The following JAKMIP2 variants were observed in gnomAD, a reference collection of about 807,000 sequenced individuals.
JAKMIP2 encodes janus kinase and microtubule-interacting protein 2.
A neutral mutation model predicts 115.0 loss-of-function variants in JAKMIP2; 25 were observed. That is an observed-to-expected ratio of 0.22 (90% CI 0.16 to 0.30). The LOEUF (loss-of-function observed/expected upper bound fraction) is 0.30, where lower values mean the gene tolerates loss of function less well. JAKMIP2 is among the 10% of genes least tolerant of loss of function. JAKMIP2 has a pLI of 1.00. For missense variants in JAKMIP2, 642 were observed against 957.6 expected (o/e 0.67, Z 4.35); for synonymous variants, 334 against 343.6 (o/e 0.97, Z 0.31).
In JAKMIP2 at chr5:147,777,860, C is replaced by G. The variant is rs1755620121; in HGVS notation, c.-149+4596G>C. Among the ~76,000 whole-genome samples, 3 of 151,882 alleles carry G rather than the reference C, an allele frequency of 2.0e-5. No individual in the cohort carries two copies. The South Asian group carries it at 6.2e-4, about 31-fold the overall frequency. On this transcript the variant is annotated intron_variant, in intron 1 of 21. Transcript: ENST00000616793. ...GGCATTAATAAAGAAAAAGAGACAC[C>G]AGAAAATTAGAATATTTGAAAAACA...
chr5:147,734,506 G>C (rs117969044), intron 1 of JAKMIP2, among the ~76,000 whole-genome samples: 2 of 147,296 alleles, frequency 1.4e-5, no homozygotes, highest in Admixed American at 6.8e-5. Context: ...GTTGGAGGGT[G>C]GGGGGGCTAG....
At chr5:147,759,266 G>T (rs1482160822) in intron 1 of JAKMIP2, among the ~76,000 whole-genome samples, 1 of 151,692 alleles carries the variant, frequency 6.6e-6, no homozygotes, top group Non-Finnish European at 1.5e-5. Flanking sequence ...AAAGGAGAAG[G>T]GGAGCAGAGA....
rs1384611669 is a variant in JAKMIP2, at chr5:147,702,654, AAGAAAGAAAGAG to A, written c.-148-30712_-148-30701del. On this transcript the variant is annotated intron_variant, in intron 1 of 21. Coordinates refer to ENST00000616793, the MANE Select transcript of JAKMIP2 (RefSeq NM_001270941.2). ...AAAGAAAGAAAGAAAGAAAGAAAGA[AAGAAAGAAAGAG>A]AGAGAAAGAAAGAGAAAGAAAGAAA... is the stretch of plus-strand genomic sequence containing the variant. 5.3e-3 allele frequency among the ~76,000 whole-genome samples: 542 copies of A among 102,718 alleles called. 12 individuals carry two copies. The highest frequency in any genetic ancestry group is 0.016 in the South Asian group (53 of 3,256). 67.4% of individuals were successfully genotyped at this position (102,718 alleles called of 152,430 possible). A position where few individuals can be genotyped will look rare whatever the true frequency, so the allele number is the denominator to read the frequency against.
chr5:147,590,663 T>C lies in JAKMIP2; in HGVS notation c.*1044A>G, dbSNP rs1755061937. The stretch of plus-strand genomic sequence containing the variant: ...TGATTCTGCTGTGTTTTTGCCCAAA[T>C]CATATAGCATATTCATTTGCAGGCA... On this transcript the variant is annotated 3_prime_UTR_variant, in exon 22 of 22. Coordinates refer to ENST00000616793, the MANE Select transcript of JAKMIP2 (RefSeq NM_001270941.2). The C allele has an allele frequency of 1.3e-5, 2 of 152,198 alleles. No homozygotes were observed. The highest frequency in any genetic ancestry group is 4.8e-5 in the African/African-American group (2 of 41,450). The allele number at this position is 152,198 out of a possible 1,614,324, so 9.4% of individuals were successfully genotyped here.
intron 1 of JAKMIP2, among the ~76,000 whole-genome samples, chr5:147,680,141 A>G (rs1010336860): frequency 6.6e-6 from 1 of 152,198 alleles, no homozygotes; most frequent in Non-Finnish European, 1.5e-5. Context: ...TAAAGTATAT[A>G]AGATAACTAG....
intron 1 of JAKMIP2, among the ~76,000 whole-genome samples, chr5:147,732,046 G>A (rs1283901451): frequency 6.6e-6 from 1 of 152,150 alleles, no homozygotes; most frequent in East Asian, 1.9e-4. Flanking sequence ...ATTATTACGT[G>A]GGTTTTTAAA....
chr5:147,647,981 AC>A (rs1271757490), intron 5 of JAKMIP2, among the ~76,000 whole-genome samples: 9 of 152,252 alleles, frequency 5.9e-5, no homozygotes, highest in Non-Finnish European at 1.2e-4. Context: ...AATGAATTCT[AC>A]ATGCAACACA....
At chr5:147,757,644 T>C (rs1331894598) in intron 1 of JAKMIP2, among the ~76,000 whole-genome samples, 2 of 152,010 alleles carry the variant, frequency 1.3e-5, no homozygotes, top group African/African-American at 4.8e-5. Context: ...GTAGAATAAC[T>C]GACTTTCAGA....
chr5:147,629,768 C>T (rs1757270824), intron 14 of JAKMIP2, 22 bp from the exon 15 acceptor site: 1 of 1,606,190 alleles, frequency 6.2e-7, no homozygotes. Flanking sequence ...AGCAGAAACT[C>T]ATGTCAAAGA....
chr5:147,648,018 G>A (rs1463806708), intron 5 of JAKMIP2, among the ~76,000 whole-genome samples: 1 of 152,142 alleles, frequency 6.6e-6, no homozygotes, highest in Non-Finnish European at 1.5e-5. Flanking sequence ...AAACAAAGCT[G>A]AGTGAAAGAA....
chr5:147,667,709 A>T (rs571473500), intron 2 of JAKMIP2, among the ~76,000 whole-genome samples: 1 of 152,302 alleles, frequency 6.6e-6, no homozygotes, highest in Admixed American at 6.5e-5. Flanking sequence ...AATCCAGTGC[A>T]AAGGATCCTA....
At chr5:147,735,070 G>A (rs919154717) in intron 1 of JAKMIP2, among the ~76,000 whole-genome samples, 1 of 152,136 alleles carries the variant, frequency 6.6e-6, no homozygotes, top group African/African-American at 2.4e-5. Context: ...CCTGCGATCT[G>A]CATATGCTGG....
At chr5:147,744,056 T>TTCCTTCCG (rs1754262901) in intron 1 of JAKMIP2, among the ~76,000 whole-genome samples, 1 of 148,434 alleles carries the variant, frequency 6.7e-6, no homozygotes. Context: ...CCTTCCTTCC[T>TTCCTTCCG]TCCTCTCTCT....
intron 21 of JAKMIP2, among the ~76,000 whole-genome samples, chr5:147,593,636 A>C (rs1291914451): frequency 6.6e-6 from 1 of 152,196 alleles, no homozygotes; most frequent in African/African-American, 2.4e-5. Context: ...AACTGGCTTA[A>C]GACTTTTGAG....
chr5:147,623,840 G>GTTTGT, intron 16 of JAKMIP2, 151 bp from the exon 17 acceptor site: 1 of 523,172 alleles, frequency 1.9e-6, no homozygotes, highest in South Asian at 2.8e-5. Context: ...TTGCTTGTTT[G>GTTTGT]TTTGTTTTGT....
chr5:147,728,348 T>C (rs577455617), intron 1 of JAKMIP2, among the ~76,000 whole-genome samples: 1 of 152,264 alleles, frequency 6.6e-6, no homozygotes, highest in African/African-American at 2.4e-5. Flanking sequence ...TGCAATAAAA[T>C]GCATGGTAAA....
rs115490222 is a variant in JAKMIP2, at chr5:147,661,151, G to A, written c.424C>T (p.Arg142Trp). Reference sequence around the variant, plus strand: ...AGGCGCTCTGTGTCAAACAGTTTCCGGGCCTCCTCCCGGGCCTCAATGGTG... The same window carrying A: ...AGGCGCTCTGTGTCAAACAGTTTCCAGGCCTCCTCCCGGGCCTCAATGGTG... ...ALTIEAREEA[R>W]KLFDTERLKL... Residue 142 changes from arginine to tryptophan, a missense_variant, in exon 3 of 22, where the codon CGG becomes TGG. By Grantham distance (101) the Arg-to-Trp change is moderately radical. Transcript: ENST00000616793. The A allele has an allele frequency of 6.2e-6, 10 of 1,613,994 alleles. No homozygotes were observed. The highest frequency in any genetic ancestry group is 7.6e-6 in the Non-Finnish European group (9 of 1,180,022).
intron 3 of JAKMIP2, among the ~76,000 whole-genome samples, chr5:147,659,946 C>T (rs1263234963): frequency 6.6e-6 from 1 of 152,026 alleles, no homozygotes; most frequent in Non-Finnish European, 1.5e-5. Context: ...AGATATCACC[C>T]GAGGAACATA....
intron 1 of JAKMIP2, among the ~76,000 whole-genome samples, chr5:147,718,362 A>G (rs1188673129): frequency 1.3e-5 from 2 of 151,224 alleles, no homozygotes; most frequent in Non-Finnish European, 2.9e-5. Context: ...CTGGCCTCAC[A>G]AAATGAGTTA....
Sources: allele counts gnomAD v4.1 joint callset (sites outside exome capture counted in the v4.1 genomes callset), GRCh38; gene constraint gnomAD v4.1.1; transcripts MANE v1.5; gene names NCBI Gene and HGNC (gene_info 2026-07-23, HGNC 2026-07-21).